The following PLOD2 variants were observed in gnomAD, a reference collection of about 807,000 sequenced individuals.
The protein encoded by PLOD2 is lysine hydroxylase 2.
In PLOD2, 65 loss-of-function variants were observed where a neutral mutation model predicts 101.0. That is an observed-to-expected ratio of 0.64 (90% confidence interval 0.53 to 0.79). The LOEUF is 0.79. Among genes scored for constraint, PLOD2 ranks in the 30% least tolerant of loss-of-function variants. The pLI is 0.00. For synonymous variants in PLOD2, 314 were observed against 302.9 expected, an observed-to-expected ratio of 1.04 and a Z score of -0.38; for missense variants, 909 against 914.6, an observed-to-expected ratio of 0.99 and a Z score of 0.08.
rs772622589 is a variant in PLOD2 at position 146,153,296 on chromosome 3, G to A, written c.109+7585C>T. ...AAGAAATAATTTAAATTCTGTATTT[G>A]CAGAATTTTTAAAGATGAGATAGCT... On this transcript the variant is annotated intron_variant, in intron 1 of 19. Coordinates refer to ENST00000282903, the MANE Select transcript of PLOD2 (RefSeq NM_182943.3). Among the ~76,000 whole-genome samples the A allele has an allele frequency of 8.5e-5, 13 of 152,232 alleles. No individual in the cohort carries two copies. In the South Asian group the frequency reaches 1.5e-3, roughly 17 times the overall value.
chr3:146,159,579 A>G (rs139109348), intron 1 of PLOD2, among the ~76,000 whole-genome samples: 53 of 152,258 alleles, frequency 3.5e-4, no homozygotes, highest in Admixed American at 9.2e-4. Flanking sequence ...TCCTTTTTAA[A>G]TTTCTCTACT....
At chr3:146,115,902 A>G (rs1187589858) in intron 3 of PLOD2, among the ~76,000 whole-genome samples, 1 of 152,190 alleles carries the variant, frequency 6.6e-6, no homozygotes, top group Non-Finnish European at 1.5e-5. Flanking sequence ...CTGCATTTCA[A>G]TAAAACTTTT....
chr3:146,082,445 C>G (rs182857741), intron 11 of PLOD2, among the ~76,000 whole-genome samples: 1 of 152,138 alleles, frequency 6.6e-6, no homozygotes, highest in Non-Finnish European at 1.5e-5. Context: ...TTACAGTAAG[C>G]TAGTCCTGGC....
intron 11 of PLOD2, among the ~76,000 whole-genome samples, chr3:146,084,367 G>GAT (rs57638108): frequency 0.063 from 9,565 of 151,002 alleles, 396 homozygotes; most frequent in Middle Eastern, 0.11. Context: ...AAATTCTAGT[G>GAT]ATATATATAT....
At chr3:146,081,445 A>G (rs1287062101) in intron 12 of PLOD2, among the ~76,000 whole-genome samples, 1 of 152,188 alleles carries the variant, frequency 6.6e-6, no homozygotes, top group South Asian at 2.1e-4. Context: ...GCTTTTAAAT[A>G]AAGAGTATTA....
chr3:146,122,054 G>T (rs946512359), intron 2 of PLOD2, among the ~76,000 whole-genome samples: 3 of 152,116 alleles, frequency 2.0e-5, no homozygotes, highest in Non-Finnish European at 4.4e-5. Flanking sequence ...AATGGAGAAT[G>T]AAATTAAAAA....
chr3:146,147,113 A>G (rs1233682701), intron 1 of PLOD2, among the ~76,000 whole-genome samples: 1 of 152,220 alleles, frequency 6.6e-6, no homozygotes, highest in African/African-American at 2.4e-5. Context: ...ATATGAAAAG[A>G]CTGAGAATAA....
chr3:146,084,019 T>C (rs1936671841), intron 11 of PLOD2, among the ~76,000 whole-genome samples: 1 of 151,912 alleles, frequency 6.6e-6, no homozygotes, highest in Non-Finnish European at 1.5e-5. Flanking sequence ...AAAATGAAAA[T>C]ATCTAATTAT....
chr3:146,155,191 A>C (rs1469128596), intron 1 of PLOD2, among the ~76,000 whole-genome samples: 1 of 152,116 alleles, frequency 6.6e-6, no homozygotes, highest in Admixed American at 6.5e-5. Context: ...TAACAACAAC[A>C]GAGTTGCAGT....
At chr3:146,113,100 T>TA (rs1937723431) in intron 3 of PLOD2, among the ~76,000 whole-genome samples, 1 of 152,220 alleles carries the variant, frequency 6.6e-6, no homozygotes, top group South Asian at 2.1e-4. Flanking sequence ...AAACTATTAA[T>TA]AAATGTCAGT....
chr3:146,076,911 T>C lies in PLOD2; in HGVS notation c.1564-16A>G, dbSNP rs375572526. 171 of 1,471,152 alleles carry C rather than the reference T, an allele frequency of 1.2e-4. No individual in the cohort carries two copies. Among genetic ancestry groups the C allele is most frequent in the Non-Finnish European group, 1.6e-4 (169 of 1,052,796 alleles). 91.1% of individuals were successfully genotyped at this position (1,471,152 alleles called of 1,614,324 possible). ...TAAATACACCCTATATGCCAGAAAA[T>C]AACAGTATTAATCTTAGAGGTAGGT... On this transcript the variant is annotated splice_polypyrimidine_tract_variant and intron_variant, in intron 14 of 19. Coordinates refer to ENST00000282903, the MANE Select transcript of PLOD2 (RefSeq NM_182943.3).
intron 1 of PLOD2, among the ~76,000 whole-genome samples, chr3:146,145,808 C>CTGG (rs2067375): frequency 0.69 from 104,007 of 151,558 alleles, 36,054 homozygotes; most frequent in East Asian, 0.8. Context: ...GTAAGCCCCA[C>CTGG]TTTTATCTCA....
At chr3:146,115,314 C>A (rs767495585) in intron 3 of PLOD2, among the ~76,000 whole-genome samples, 13 of 152,086 alleles carry the variant, frequency 8.5e-5, no homozygotes, top group Admixed American at 6.6e-5. Flanking sequence ...CCTGAAAAAA[C>A]CATAAGATTC....
chr3:146,131,028 T>C (rs771995701), intron 1 of PLOD2, among the ~76,000 whole-genome samples: 9 of 152,208 alleles, frequency 5.9e-5, no homozygotes, highest in Admixed American at 2.6e-4. Flanking sequence ...GCCTTCCTTC[T>C]GGGTGCTTGA....
chr3:146,073,911 A>G (rs1165352503), intron 15 of PLOD2, among the ~76,000 whole-genome samples: 1 of 151,614 alleles, frequency 6.6e-6, no homozygotes, highest in Non-Finnish European at 1.5e-5. Context: ...AAATTACTCT[A>G]AATTTGATTT....
chr3:146,076,675 T>G, intron 15 of PLOD2, 107 bp downstream of exon 15: 1 of 661,566 alleles, frequency 1.5e-6, no homozygotes. Flanking sequence ...GCATTTCACC[T>G]TATGTCATTT....
chr3:146,116,112 T>C (rs56393425), intron 3 of PLOD2, among the ~76,000 whole-genome samples: 1,565 of 152,268 alleles, frequency 0.01, 34 homozygotes, highest in African/African-American at 0.036. Context: ...CAGAAGTAGC[T>C]TCACACCTGA....
intron 3 of PLOD2, among the ~76,000 whole-genome samples, chr3:146,113,976 T>C (rs116324961): frequency 0.02 from 3,110 of 152,204 alleles, 101 homozygotes; most frequent in African/African-American, 0.071. Flanking sequence ...GGTAGGTCTC[T>C]AAAATGGCCG....
chr3:146,101,238 A>T (rs1349549024), intron 7 of PLOD2, among the ~76,000 whole-genome samples: 1 of 152,186 alleles, frequency 6.6e-6, no homozygotes, highest in African/African-American at 2.4e-5. Context: ...ACTGATGAGG[A>T]AATGACTCAA....
Sources: gnomAD v4.1 joint callset for allele counts (sites outside exome capture counted in the v4.1 genomes callset) on GRCh38, gnomAD v4.1.1 for gene constraint, MANE v1.5 for transcripts, NCBI Gene and HGNC (gene_info 2026-07-23, HGNC 2026-07-21) for gene names.